TRPS1: variants seen among roughly 807,000 people sequenced by gnomAD.
TRPS1 encodes transcriptional repressor GATA binding 1.
TRPS1 carries 6 observed loss-of-function variants against 101.2 expected under a neutral mutation model. That is an observed-to-expected ratio of 0.06 (90% CI 0.03 to 0.12). The LOEUF is 0.12. Among genes scored for constraint, TRPS1 ranks in the 10% least tolerant of loss-of-function variants. The pLI is 1.00. For synonymous variants in TRPS1, 578 were observed against 589.8 expected, an observed-to-expected ratio of 0.98 and a Z score of 0.29; for missense variants, 1,363 against 1,567.0, an observed-to-expected ratio of 0.87 and a Z score of 2.20.
chr8:115,617,132 G>A (rs746150128), intron 3 of TRPS1, among the ~76,000 whole-genome samples: 46 of 152,134 alleles, frequency 3.0e-4, no homozygotes, highest in Non-Finnish European at 5.7e-4. Flanking sequence ...TTGTTTGTTT[G>A]AAATAATCAC....
intron 5 of TRPS1, among the ~76,000 whole-genome samples, chr8:115,541,258 T>A (rs1001548797): frequency 1.8e-4 from 27 of 152,204 alleles, no homozygotes; most frequent in Admixed American, 2.6e-4. Context: ...ACTGGTTACA[T>A]AGGGATGGCT....
In TRPS1 at chr8:115,523,301, C is replaced by A. The variant is rs149131485; in HGVS notation, c.2700+63700G>T. ...AGTTTCATAAACCAGAAGGAGGGAT[C>A]CAGAAAAAATAGTGTTTGATCTCCC... On this transcript the variant is annotated intron_variant, in intron 5 of 6. Transcript: ENST00000395715. Among the ~76,000 whole-genome samples, 263 of 152,168 alleles carry A rather than the reference C, an allele frequency of 1.7e-3. 4 individuals carry two copies. The highest frequency in any genetic ancestry group is 0.015 in the Admixed American group (235 of 15,268).
intron 5 of TRPS1, among the ~76,000 whole-genome samples, chr8:115,534,079 C>T (rs1397153135): frequency 6.6e-6 from 1 of 151,960 alleles, no homozygotes; most frequent in Non-Finnish European, 1.5e-5. Context: ...AACCCCGATA[C>T]CATCACACTG....
chr8:115,484,667 C>T (rs1814835170), intron 5 of TRPS1, among the ~76,000 whole-genome samples: 1 of 152,108 alleles, frequency 6.6e-6, no homozygotes. Flanking sequence ...GGAAATCACA[C>T]CAATTAATGT....
chr8:115,589,754 C>T (rs189702882), intron 4 of TRPS1, among the ~76,000 whole-genome samples: 13 of 152,230 alleles, frequency 8.5e-5, no homozygotes, highest in African/African-American at 3.1e-4. Flanking sequence ...ATACAAAAGA[C>T]AATAGACAAT....
chr8:115,586,123 A>G (rs1324172621), intron 5 of TRPS1, among the ~76,000 whole-genome samples: 1 of 152,164 alleles, frequency 6.6e-6, no homozygotes, highest in Non-Finnish European at 1.5e-5. Flanking sequence ...TTCTGATCCT[A>G]CCTTCTATGC....
intron 5 of TRPS1, among the ~76,000 whole-genome samples, chr8:115,424,925 C>T (rs568542122): frequency 2.0e-5 from 3 of 152,260 alleles, no homozygotes; most frequent in East Asian, 1.9e-4. Flanking sequence ...CTCTATCATG[C>T]GCCACTAGGA....
At chr8:115,624,843 C>CT (rs1417501309) in intron 1 of TRPS1, among the ~76,000 whole-genome samples, 1 of 151,706 alleles carries the variant, frequency 6.6e-6, no homozygotes, top group Non-Finnish European at 1.5e-5. Context: ...CTGTAAAAGA[C>CT]TGACTGATGT....
At chr8:115,572,711 C>G (rs541140639) in intron 5 of TRPS1, among the ~76,000 whole-genome samples, 3 of 152,276 alleles carry the variant, frequency 2.0e-5, no homozygotes, top group African/African-American at 7.2e-5. Context: ...CCTATGACAG[C>G]CTACGTTTCC....
intron 4 of TRPS1, 22 bp downstream of exon 4, chr8:115,603,851 G>T: frequency 6.2e-7 from 1 of 1,612,972 alleles, no homozygotes; most frequent in South Asian, 1.1e-5. Flanking sequence ...TATTCCTCCC[G>T]ACCCCACCCC....
chr8:115,558,580 T>G (rs1379624671), intron 5 of TRPS1, among the ~76,000 whole-genome samples: 1 of 152,194 alleles, frequency 6.6e-6, no homozygotes, highest in Non-Finnish European at 1.5e-5. Flanking sequence ...AAACACTTAC[T>G]CCTGGAAGCA....
chr8:115,469,040 G>T (rs1013155406), intron 5 of TRPS1, among the ~76,000 whole-genome samples: 2 of 152,092 alleles, frequency 1.3e-5, no homozygotes, highest in Non-Finnish European at 2.9e-5. Context: ...TACTTCGTAG[G>T]CTCAACCAGA....
chr8:115,529,879 A>G (rs1222030517), intron 5 of TRPS1, among the ~76,000 whole-genome samples: 4 of 152,124 alleles, frequency 2.6e-5, no homozygotes, highest in African/African-American at 4.8e-5. Flanking sequence ...TAATCACACA[A>G]AATATCTAAC....
At chr8:115,632,432 T>C (rs1356895877) in intron 1 of TRPS1, among the ~76,000 whole-genome samples, 2 of 152,084 alleles carry the variant, frequency 1.3e-5, no homozygotes, top group East Asian at 3.9e-4. Flanking sequence ...ACTTAAAACA[T>C]TCAGAAGGAC....
At chr8:115,544,463 G>T (rs73703310) in intron 5 of TRPS1, among the ~76,000 whole-genome samples, 4,682 of 151,944 alleles carry the variant, frequency 0.031, 252 homozygotes, top group African/African-American at 0.11. Context: ...ATCTGCTGAG[G>T]ATGTTGCTAG....
intron 5 of TRPS1, among the ~76,000 whole-genome samples, chr8:115,490,351 T>C (rs1432670270): frequency 6.6e-6 from 1 of 152,140 alleles, no homozygotes; most frequent in East Asian, 1.9e-4. Flanking sequence ...TATAGTTAAT[T>C]ATGCCATTAT....
At chr8:115,429,375 C>T (rs190957179) in intron 5 of TRPS1, among the ~76,000 whole-genome samples, 215 of 152,258 alleles carry the variant, frequency 1.4e-3, no homozygotes, top group Non-Finnish European at 2.1e-3. Flanking sequence ...TGTATACATA[C>T]GTAAAAATTC....
intron 5 of TRPS1, among the ~76,000 whole-genome samples, chr8:115,427,036 T>C (rs928517390): frequency 1.3e-5 from 2 of 151,678 alleles, no homozygotes; most frequent in Admixed American, 6.6e-5. Context: ...CTTTGGGAGG[T>C]CAAGGTGGGA....
Position 115,604,201 on chromosome 8 carries a change from G to A in TRPS1, c.1768C>T (p.His590Tyr). 1 of 1,614,080 alleles carries A rather than the reference G, an allele frequency of 6.2e-7. No homozygotes were observed. The highest frequency in any genetic ancestry group is 8.5e-7 in the Non-Finnish European group (1 of 1,179,990). The stretch of plus-strand genomic sequence containing the variant: ...AACGGATAAGTAATTTCTCCAAGGT[G>A]CTTTTCTGGGCTGCAAAGTCCTCTG... ...CPRGLCSPEKHLGEITYPFAC... is the reference protein window; with the variant it reads ...CPRGLCSPEKYLGEITYPFAC... Residue 590 changes from histidine (H) to tyrosine (Y), a missense_variant, in exon 4 of 7, where the codon CAC becomes TAC. By Grantham distance (83) the His-to-Tyr change is moderately conservative. Coordinates refer to ENST00000395715, the MANE Select transcript of TRPS1 (RefSeq NM_014112.5). The surrounding 1 kb of genome is among the most constrained non-coding windows in gnomAD (Gnocchi z 4.1).
Sources: gnomAD v4.1 joint callset for allele counts (sites outside exome capture counted in the v4.1 genomes callset) on GRCh38, gnomAD v4.1.1 for gene constraint, Gnocchi (gnomAD v3.1) non-coding constraint, MANE v1.5 for transcripts, NCBI Gene and HGNC (gene_info 2026-07-23, HGNC 2026-07-21) for gene names.